CENPW: variants seen among roughly 807,000 people sequenced by gnomAD.
The protein encoded by CENPW is centromere protein W.
Under a neutral mutation model 11.1 loss-of-function variants are expected in CENPW, and 3 were observed. The observed-to-expected ratio is 0.27, with a 90% confidence interval of 0.12 to 0.70. The LOEUF is 0.70. CENPW is among the 30% of genes least tolerant of loss of function. CENPW has a pLI of 0.77. For synonymous variants in CENPW, 38 were observed against 42.0 expected, an observed-to-expected ratio of 0.91 and a Z score of 0.37; for missense variants, 100 against 105.6, an observed-to-expected ratio of 0.95 and a Z score of 0.23.
intron 2 of CENPW, among the ~76,000 whole-genome samples, chr6:126,346,760 A>G (rs943347217): frequency 2.6e-5 from 4 of 152,172 alleles, no homozygotes; most frequent in Admixed American, 1.3e-4. Context: ...ACCGCCCCCC[A>G]TGATCTAATC....
the CENPW span, among the ~76,000 whole-genome samples, chr6:126,408,995 G>T: frequency 6.6e-6 from 1 of 151,256 alleles, no homozygotes; most frequent in Non-Finnish European, 1.5e-5. Context: ...ACTAATTTGG[G>T]CTTTGGCTTG....
At chr6:126,452,825 C>G in the CENPW span, among the ~76,000 whole-genome samples, 1 of 151,070 alleles carries the variant, frequency 6.6e-6, no homozygotes, top group South Asian at 2.1e-4. Context: ...CATGACCAGA[C>G]ACATCATAAT....
the CENPW span, among the ~76,000 whole-genome samples, chr6:126,461,267 C>T: frequency 6.6e-6 from 1 of 151,968 alleles, no homozygotes; most frequent in South Asian, 2.1e-4. Context: ...TCCCTACACA[C>T]GCTCTCTTCT....
chr6:126,412,438 G>C, the CENPW span, among the ~76,000 whole-genome samples: 1 of 152,136 alleles, frequency 6.6e-6, no homozygotes, highest in Admixed American at 6.5e-5. Context: ...ACTGGTATTT[G>C]TTTGTATGTG....
At chr6:126,470,554 C>T in the CENPW span, among the ~76,000 whole-genome samples, 9 of 152,202 alleles carry the variant, frequency 5.9e-5, no homozygotes, top group African/African-American at 2.2e-4. Flanking sequence ...TGGGGCACTG[C>T]CTAGTGGAGC....
chr6:126,360,195 A>G, the CENPW span, among the ~76,000 whole-genome samples: 2 of 152,132 alleles, frequency 1.3e-5, no homozygotes, highest in Non-Finnish European at 2.9e-5. Context: ...ATAGTTTGGT[A>G]TGATACTAAA....
At chr6:126,421,501 C>T in the CENPW span, among the ~76,000 whole-genome samples, 1 of 151,944 alleles carries the variant, frequency 6.6e-6, no homozygotes. Context: ...TTACTTATTC[C>T]CTCCACATCC....
At chr6:126,381,261 C>T in the CENPW span, among the ~76,000 whole-genome samples, 1 of 152,146 alleles carries the variant, frequency 6.6e-6, no homozygotes, top group African/African-American at 2.4e-5. Flanking sequence ...TGTCTTAGGA[C>T]CTTTACTGGC....
At chr6:126,372,617 G>GTAA in the CENPW span, among the ~76,000 whole-genome samples, 101 of 152,186 alleles carry the variant, frequency 6.6e-4, 1 homozygote, top group African/African-American at 2.2e-3. Flanking sequence ...ACAGCTAAAG[G>GTAA]TAATTAGCCC....
chr6:126,427,347 A>G, the CENPW span, among the ~76,000 whole-genome samples: 65,653 of 152,090 alleles, frequency 0.43, 16,507 homozygotes, highest in East Asian at 0.97. Context: ...CAAGCTTACT[A>G]GCCGTAGCCA....
At chr6:126,478,540 C>T in the CENPW span, among the ~76,000 whole-genome samples, 3 of 151,926 alleles carry the variant, frequency 2.0e-5, no homozygotes, top group Non-Finnish European at 4.4e-5. Context: ...GTGCTCTGGA[C>T]AGAGTATTTG....
chr6:126,462,172 T>G, the CENPW span, among the ~76,000 whole-genome samples: 1 of 152,056 alleles, frequency 6.6e-6, no homozygotes, highest in African/African-American at 2.4e-5. Context: ...TTTTATCATA[T>G]GTATTTAAGG....
chr6:126,474,957 C>T, the CENPW span, among the ~76,000 whole-genome samples: 1 of 152,006 alleles, frequency 6.6e-6, no homozygotes, highest in African/African-American at 2.4e-5. Flanking sequence ...TGTATTACAC[C>T]AGTGTGTATG....
At chr6:126,340,580 C>G (rs1780284147) in intron 1 of CENPW, 181 bp downstream of exon 1, 1 of 824,598 alleles carries the variant, frequency 1.2e-6, no homozygotes, top group Non-Finnish European at 1.9e-6. Context: ...ATATTCCTGG[C>G]GCTCAGTTGT....
the CENPW span, among the ~76,000 whole-genome samples, chr6:126,385,561 T>G: frequency 6.6e-6 from 1 of 152,106 alleles, no homozygotes; most frequent in Non-Finnish European, 1.5e-5. Flanking sequence ...TAGTTAGGCT[T>G]TGTGTCCCCA....
chr6:126,461,279 T>C, the CENPW span, among the ~76,000 whole-genome samples: 23 of 152,070 alleles, frequency 1.5e-4, no homozygotes, highest in South Asian at 3.3e-3. Context: ...CTCTCTTCTC[T>C]TGTCTGGCCT....
the CENPW span, among the ~76,000 whole-genome samples, chr6:126,394,861 T>C: frequency 6.6e-6 from 1 of 152,134 alleles, no homozygotes; most frequent in African/African-American, 2.4e-5. Flanking sequence ...TTTAATTCAA[T>C]ACTTTAAATA....
chr6:126,396,951 C>CT, the CENPW span, among the ~76,000 whole-genome samples: 48 of 151,808 alleles, frequency 3.2e-4, no homozygotes, highest in African/African-American at 1.2e-3. Context: ...TCTTTTTACT[C>CT]TTTCCTGTTC....
the CENPW span, among the ~76,000 whole-genome samples, chr6:126,396,228 C>T: frequency 6.6e-6 from 1 of 152,070 alleles, no homozygotes; most frequent in Non-Finnish European, 1.5e-5. Flanking sequence ...GCTACCATGA[C>T]TAAGCTGATA....
Sources: allele counts gnomAD v4.1 joint callset (sites outside exome capture counted in the v4.1 genomes callset), GRCh38; gene constraint gnomAD v4.1.1; transcripts MANE v1.5; gene names NCBI Gene and HGNC (gene_info 2026-07-23, HGNC 2026-07-21).